The following TNIK variants were observed in gnomAD, a reference collection of about 807,000 sequenced individuals.
TNIK encodes TRAF2 and NCK interacting kinase, also known as TRAF2 and NCK-interacting protein kinase.
A neutral mutation model predicts 191.3 loss-of-function variants in TNIK; 49 were observed. That is an observed-to-expected ratio of 0.26 (90% confidence interval 0.20 to 0.32). The LOEUF (loss-of-function observed/expected upper bound fraction) is 0.32. TNIK is among the 10% of genes least tolerant of loss of function. The pLI is 1.00. For missense variants in TNIK, 1,155 were observed against 1,702.3 expected, an observed-to-expected ratio of 0.68 and a Z score of 5.66; for synonymous variants, 594 against 600.9, an observed-to-expected ratio of 0.99 and a Z score of 0.17.
At chr3:171,152,752 TA>T (rs1732615481) in intron 12 of TNIK, among the ~76,000 whole-genome samples, 1 of 147,108 alleles carries the variant, frequency 6.8e-6, no homozygotes, top group Admixed American at 6.9e-5. Context: ...ACACAAAAAC[TA>T]TGTGTTTTGT....
chr3:171,142,359 G>A (rs1730953809), intron 12 of TNIK, among the ~76,000 whole-genome samples: 1 of 152,206 alleles, frequency 6.6e-6, no homozygotes, highest in Non-Finnish European at 1.5e-5. Flanking sequence ...GGCGGGATGA[G>A]AGTCCATGTT....
intron 2 of TNIK, among the ~76,000 whole-genome samples, chr3:171,321,759 A>G (rs568174153): frequency 6.6e-6 from 1 of 152,342 alleles, no homozygotes; most frequent in Admixed American, 6.5e-5. Flanking sequence ...GCGAGATATG[A>G]AATAACTGAC....
intron 15 of TNIK, among the ~76,000 whole-genome samples, chr3:171,132,737 A>G (rs1168542541): frequency 6.6e-6 from 1 of 152,262 alleles, no homozygotes; most frequent in Non-Finnish European, 1.5e-5. Flanking sequence ...AAGTAATTTT[A>G]AAACTGTTGA....
chr3:171,303,128 A>G lies in TNIK; in HGVS notation c.123+66492T>C, dbSNP rs73030933. Among the ~76,000 whole-genome samples the G allele has an allele frequency of 1.6e-3, 243 of 152,306 alleles. 1 individual carries two copies. The highest frequency in any genetic ancestry group is 5.7e-3 in the African/African-American group (236 of 41,568). ...ATAAAGTTTTTATCACACACGTAAAAAATAATATTCCTCCTAAACTTAAAC... is the reference window on the plus strand; with the variant it reads ...ATAAAGTTTTTATCACACACGTAAAGAATAATATTCCTCCTAAACTTAAAC... On this transcript the variant is annotated intron_variant, in intron 2 of 32. Coordinates refer to ENST00000436636, the MANE Select transcript of TNIK (RefSeq NM_015028.4).
chr3:171,232,812 A>G (rs1743820759), intron 2 of TNIK, among the ~76,000 whole-genome samples: 7 of 152,190 alleles, frequency 4.6e-5, no homozygotes, highest in Admixed American at 4.6e-4. Flanking sequence ...ATGTAAAATA[A>G]TTCAACATCG....
chr3:171,157,291 A>G (rs1337827025), intron 12 of TNIK, among the ~76,000 whole-genome samples, 169 bp downstream of exon 12: 1 of 152,170 alleles, frequency 6.6e-6, no homozygotes, highest in Non-Finnish European at 1.5e-5. Flanking sequence ...AAAGCAAGGG[A>G]AGCCTTTTGT....
intron 2 of TNIK, among the ~76,000 whole-genome samples, chr3:171,309,738 T>A (rs1294508920): frequency 6.6e-6 from 1 of 152,184 alleles, no homozygotes; most frequent in African/African-American, 2.4e-5. Context: ...GAGAGACCTT[T>A]CATTCAAAAT....
chr3:171,223,614 T>C (rs77862763), intron 3 of TNIK, among the ~76,000 whole-genome samples: 2,038 of 152,308 alleles, frequency 0.013, 21 homozygotes, highest in South Asian at 0.026. Context: ...AGCAAGATAC[T>C]TAAAATGCCT....
intron 7 of TNIK, among the ~76,000 whole-genome samples, chr3:171,179,629 T>C (rs1367033612): frequency 6.6e-6 from 1 of 152,068 alleles, no homozygotes; most frequent in East Asian, 1.9e-4. Flanking sequence ...TTTTTTGTGT[T>C]TTTAGTAGAG....
At chr3:171,110,167 T>G (rs1260266455) in intron 19 of TNIK, among the ~76,000 whole-genome samples, 1 of 152,136 alleles carries the variant, frequency 6.6e-6, no homozygotes, top group Non-Finnish European at 1.5e-5. Context: ...TTGGCCTCCC[T>G]AAGTGCTGGG....
At chr3:171,402,189 T>C (rs1364546265) in intron 1 of TNIK, among the ~76,000 whole-genome samples, 2 of 152,164 alleles carry the variant, frequency 1.3e-5, no homozygotes, top group East Asian at 1.9e-4. Context: ...ACTTAAGAAA[T>C]TGAATGGAAA....
At chr3:171,246,309 A>G (rs1745587364) in intron 2 of TNIK, among the ~76,000 whole-genome samples, 1 of 152,172 alleles carries the variant, frequency 6.6e-6, no homozygotes, top group East Asian at 1.9e-4. Context: ...ATGCCTTTCT[A>G]TTCATACTTC....
intron 2 of TNIK, among the ~76,000 whole-genome samples, chr3:171,279,342 T>C (rs1433314245): frequency 6.6e-6 from 1 of 152,238 alleles, no homozygotes; most frequent in African/African-American, 2.4e-5. Context: ...TAAAATTCTA[T>C]ATATTTTTAA....
chr3:171,351,198 T>A (rs1357610197), intron 2 of TNIK, among the ~76,000 whole-genome samples: 2 of 152,106 alleles, frequency 1.3e-5, no homozygotes, highest in African/African-American at 4.8e-5. Context: ...GGCTGCCCTA[T>A]GTATTCTTCA....
At chr3:171,300,346 A>T (rs1315621447) in intron 2 of TNIK, among the ~76,000 whole-genome samples, 1 of 152,222 alleles carries the variant, frequency 6.6e-6, no homozygotes, top group Non-Finnish European at 1.5e-5. Flanking sequence ...TGCTTCTTGC[A>T]AGTTTACAGA....
intron 28 of TNIK, among the ~76,000 whole-genome samples, chr3:171,072,296 C>T (rs968054799): frequency 2.6e-5 from 4 of 152,122 alleles, no homozygotes; most frequent in Non-Finnish European, 5.9e-5. Flanking sequence ...TTTTAATATA[C>T]TTAAATGACA....
At chr3:171,163,931 T>G (rs1266281077) in intron 10 of TNIK, among the ~76,000 whole-genome samples, 1 of 152,228 alleles carries the variant, frequency 6.6e-6, no homozygotes, top group African/African-American at 2.4e-5. Context: ...ATAGAATTGC[T>G]TTGATTGATT....
chr3:171,368,478 C>T (rs972011661), intron 2 of TNIK, among the ~76,000 whole-genome samples: 13 of 152,144 alleles, frequency 8.5e-5, no homozygotes, highest in African/African-American at 1.7e-4. Context: ...ACAGGATCAA[C>T]GTCAAGTGAG....
At chr3:171,083,312 G>A (rs1470653214) in intron 26 of TNIK, among the ~76,000 whole-genome samples, 2 of 152,002 alleles carry the variant, frequency 1.3e-5, no homozygotes, top group Middle Eastern at 3.2e-3. Context: ...GTTCTCTTCT[G>A]TCTCTTCTCC....
Sources: gnomAD v4.1 joint callset for allele counts (sites outside exome capture counted in the v4.1 genomes callset) on GRCh38, gnomAD v4.1.1 for gene constraint, MANE v1.5 for transcripts, NCBI Gene and HGNC (gene_info 2026-07-23, HGNC 2026-07-21) for gene names.